Variants in GPR158 observed in about 807,000 individuals in gnomAD.
The protein encoded by GPR158 is metabotropic glycine receptor.
A neutral mutation model predicts 78.2 loss-of-function variants in GPR158; 30 were observed. The ratio of observed to expected loss-of-function variants is 0.38; its 90% confidence interval spans 0.29 to 0.52. GPR158 has a LOEUF of 0.52. Among genes scored for constraint, GPR158 ranks in the 20% least tolerant of loss-of-function variants. GPR158 has a pLI of 0.83. For missense variants in GPR158, 1,463 were observed against 1,523.5 expected, an observed-to-expected ratio of 0.96 and a Z score of 0.66; for synonymous variants, 581 against 591.1, an observed-to-expected ratio of 0.98 and a Z score of 0.25.
At chr10:25,477,783 TG>T (rs1835609251) in intron 5 of GPR158, among the ~76,000 whole-genome samples, 3 of 152,240 alleles carry the variant, frequency 2.0e-5, no homozygotes, top group African/African-American at 2.4e-5. Flanking sequence ...TCAGAAGGTA[TG>T]GGAATATTAG....
At chr10:25,324,061 A>G (rs143232963) in intron 2 of GPR158, among the ~76,000 whole-genome samples, 91 of 152,272 alleles carry the variant, frequency 6.0e-4, no homozygotes, top group African/African-American at 2.1e-3. Flanking sequence ...TGGATTTTCT[A>G]TTTAGACCAC....
intron 6 of GPR158, among the ~76,000 whole-genome samples, chr10:25,562,289 A>G (rs1487977050): frequency 1.3e-5 from 2 of 151,916 alleles, no homozygotes; most frequent in East Asian, 1.9e-4. Flanking sequence ...TTTCGACTCT[A>G]TATTTCAATT....
At chr10:25,498,931 C>T (rs376383706) in intron 5 of GPR158, among the ~76,000 whole-genome samples, 1 of 152,082 alleles carries the variant, frequency 6.6e-6, no homozygotes, top group East Asian at 1.9e-4. Context: ...TGAGGACTTT[C>T]GGAACCCTAC....
chr10:25,558,804 T>A (rs895185162), intron 6 of GPR158, among the ~76,000 whole-genome samples: 1 of 152,244 alleles, frequency 6.6e-6, no homozygotes, highest in African/African-American at 2.4e-5. Context: ...GGGATTTCCA[T>A]GAACTTTTTG....
Position 25,221,256 on chromosome 10 carries a change from G to A in GPR158, c.1008+99G>A, listed in dbSNP as rs1204696148. The A allele has an allele frequency of 6.3e-6, 4 of 635,048 alleles. No homozygotes were observed. The South Asian group carries it at 6.4e-5, about 10-fold the overall frequency. The allele number at this position is 635,048 out of a possible 1,614,324, so 39.3% of individuals were successfully genotyped here. On this transcript the variant is annotated intron_variant, in intron 2 of 10. Transcript: ENST00000376351. ...AAATGAACAAGAGGCATCTTACTGG[G>A]AAGAAAATCTATGTAGGTCTCAGTG...
At position 25,220,799 on chromosome 10, in the gene GPR158, A is replaced by G. The variant is rs1164681615; in HGVS notation, c.903-253A>G. The stretch of plus-strand genomic sequence containing the variant: ...TCAGGCAATCAACACATATTTATTG[A>G]GCACCTATTATGTACCAGGCATTAT... On this transcript the variant is annotated intron_variant, in intron 1 of 10. Coordinates refer to ENST00000376351, the MANE Select transcript of GPR158 (RefSeq NM_020752.3). Among the ~76,000 whole-genome samples, 4 of 152,168 alleles carry G rather than the reference A, an allele frequency of 2.6e-5. No homozygotes were observed. In the East Asian group the frequency reaches 7.7e-4, roughly 29 times the overall value.
intron 4 of GPR158, among the ~76,000 whole-genome samples, chr10:25,436,457 T>G (rs1484476131): frequency 6.6e-6 from 1 of 152,084 alleles, no homozygotes; most frequent in African/African-American, 2.4e-5. Context: ...AGGTAGGAAG[T>G]ATAGAAAGAA....
chr10:25,467,315 T>G (rs566380583), intron 5 of GPR158, among the ~76,000 whole-genome samples: 1 of 152,278 alleles, frequency 6.6e-6, no homozygotes, highest in South Asian at 2.1e-4. Flanking sequence ...AGACAATAGA[T>G]GACAGATGTC....
intron 5 of GPR158, among the ~76,000 whole-genome samples, chr10:25,478,044 T>C (rs1019209774): frequency 6.6e-6 from 1 of 152,192 alleles, no homozygotes. Context: ...AGTCTGATCA[T>C]TGGTGGGAGT....
At chr10:25,491,700 TA>T (rs1835811123) in intron 5 of GPR158, among the ~76,000 whole-genome samples, 2 of 152,192 alleles carry the variant, frequency 1.3e-5, no homozygotes, top group South Asian at 2.1e-4. Context: ...ATGAGCATGG[TA>T]AAAAATACCC....
intron 1 of GPR158, among the ~76,000 whole-genome samples, chr10:25,186,027 A>G (rs1014605494): frequency 2.6e-5 from 4 of 152,240 alleles, no homozygotes; most frequent in African/African-American, 9.6e-5. Context: ...AGTGTCTCTC[A>G]GACCACAGTG....
intron 2 of GPR158, among the ~76,000 whole-genome samples, chr10:25,365,456 G>A (rs931584773): frequency 1.4e-4 from 21 of 151,710 alleles, no homozygotes; most frequent in Admixed American, 1.1e-3. Context: ...CTGGGGAAAT[G>A]CATATGTATA....
chr10:25,530,042 C>T (rs1312897081), intron 5 of GPR158, among the ~76,000 whole-genome samples: 12 of 152,276 alleles, frequency 7.9e-5, no homozygotes, highest in African/African-American at 2.9e-4. Context: ...TCCTCTCCCC[C>T]TTTTGCCTCC....
In GPR158 at chr10:25,420,170, G is replaced by A. The variant is rs118117387; in HGVS notation, c.1335+7697G>A. Reference sequence around the variant, plus strand: ...CAAAGTTATTTATTTATTTACTTGAGACTAGGTTTTGCTCAGTTACTCAGG... The same window carrying A: ...CAAAGTTATTTATTTATTTACTTGAAACTAGGTTTTGCTCAGTTACTCAGG... On this transcript the variant is annotated intron_variant, in intron 4 of 10. Coordinates refer to ENST00000376351, the MANE Select transcript of GPR158 (RefSeq NM_020752.3). Among the ~76,000 whole-genome samples, 542 of 152,018 alleles carry A rather than the reference G, an allele frequency of 3.6e-3. 2 individuals are homozygous for A. Among genetic ancestry groups the A allele is most frequent in the Non-Finnish European group, 5.9e-3 (401 of 68,008 alleles).
intron 2 of GPR158, among the ~76,000 whole-genome samples, chr10:25,347,832 T>C (rs1855394148): frequency 6.6e-6 from 1 of 152,020 alleles, no homozygotes; most frequent in Non-Finnish European, 1.5e-5. Flanking sequence ...AGCTACAGAA[T>C]AAGCAAGTTG....
chr10:25,290,215 C>G (rs79708540), intron 2 of GPR158, among the ~76,000 whole-genome samples: 20,769 of 152,184 alleles, frequency 0.14, 1,581 homozygotes, highest in African/African-American at 0.2. Context: ...ATATCAAAGA[C>G]ATTTCATAAC....
At chr10:25,481,281 C>T (rs546027485) in intron 5 of GPR158, among the ~76,000 whole-genome samples, 4 of 152,178 alleles carry the variant, frequency 2.6e-5, no homozygotes, top group African/African-American at 4.8e-5. Context: ...GCATGCATTC[C>T]GCAGTGTCAT....
At chr10:25,218,159 G>A (rs1853246437) in intron 1 of GPR158, among the ~76,000 whole-genome samples, 1 of 151,930 alleles carries the variant, frequency 6.6e-6, no homozygotes, top group African/African-American at 2.4e-5. Context: ...CCCCCGACAG[G>A]AAGTCTACAG....
chr10:25,580,929 T>TA (rs1470676793), intron 7 of GPR158, among the ~76,000 whole-genome samples: 1 of 102,954 alleles, frequency 9.7e-6, no homozygotes, highest in Non-Finnish European at 1.7e-5. Flanking sequence ...TTTTATTTTA[T>TA]TTTTTTGAGA....
Sources: gnomAD v4.1 joint callset for allele counts (sites outside exome capture counted in the v4.1 genomes callset) on GRCh38, gnomAD v4.1.1 for gene constraint, MANE v1.5 for transcripts, NCBI Gene and HGNC (gene_info 2026-07-23, HGNC 2026-07-21) for gene names.